Variants in CNTNAP2 observed in about 807,000 individuals in gnomAD.
CNTNAP2 encodes contactin associated protein 2, also known as contactin-associated protein-like 2.
CNTNAP2 carries 98 observed loss-of-function variants against 155.2 expected under a neutral mutation model. The ratio of observed to expected loss-of-function variants is 0.63; its 90% confidence interval spans 0.54 to 0.75. The LOEUF (loss-of-function observed/expected upper bound fraction) is 0.75, where lower values mean the gene tolerates loss of function less well. Among genes scored for constraint, CNTNAP2 ranks in the 30% least tolerant of loss-of-function variants. CNTNAP2 has a pLI of 0.00. For synonymous variants in CNTNAP2, 651 were observed against 631.2 expected (o/e 1.03, Z -0.47); for missense variants, 1,727 against 1,688.1 (o/e 1.02, Z -0.40).
chr7:148,185,462 A>G lies in CNTNAP2; in HGVS notation c.3010+12984A>G, dbSNP rs532925501. Reference sequence around the variant, plus strand: ...TCAAGAAATAAAAAGCAACTGCTACATTGTAGAAAGTACATCTAAAATTTT... The same window carrying G: ...TCAAGAAATAAAAAGCAACTGCTACGTTGTAGAAAGTACATCTAAAATTTT... On this transcript the variant is annotated intron_variant, in intron 18 of 23. Transcript: ENST00000361727. 6.3e-4 allele frequency among the ~76,000 whole-genome samples: 96 copies of G among 152,362 alleles called. 2 individuals are homozygous for G. The highest frequency in any genetic ancestry group is 5.1e-3 in the Admixed American group (78 of 15,306).
chr7:146,287,416 G>A (rs1055660871), intron 1 of CNTNAP2, among the ~76,000 whole-genome samples: 9 of 152,150 alleles, frequency 5.9e-5, no homozygotes, highest in Non-Finnish European at 8.8e-5. Context: ...CCTTCTGAAC[G>A]TAACAGGTTG....
intron 21 of CNTNAP2, among the ~76,000 whole-genome samples, chr7:148,366,969 A>T (rs1201552067): frequency 6.6e-6 from 1 of 152,242 alleles, no homozygotes; most frequent in Non-Finnish European, 1.5e-5. Flanking sequence ...GCGGTGGCTC[A>T]CGCCTGTAGT....
chr7:147,866,363 T>C (rs1421336663), intron 13 of CNTNAP2, among the ~76,000 whole-genome samples: 2 of 152,180 alleles, frequency 1.3e-5, no homozygotes, highest in East Asian at 1.9e-4. Flanking sequence ...TTAGAATAAG[T>C]GTGATGTGGT....
chr7:147,669,305 C>A (rs917662802), intron 13 of CNTNAP2, among the ~76,000 whole-genome samples: 3 of 152,140 alleles, frequency 2.0e-5, no homozygotes, highest in Non-Finnish European at 2.9e-5. Context: ...AATAAATACA[C>A]TTATGCCCCA....
intron 1 of CNTNAP2, among the ~76,000 whole-genome samples, chr7:146,652,590 A>G (rs1799935102): frequency 6.6e-6 from 1 of 152,130 alleles, no homozygotes; most frequent in Non-Finnish European, 1.5e-5. Flanking sequence ...TTGGGTTATT[A>G]TTAATGACTG....
At chr7:147,503,751 T>A (rs1047451837) in intron 11 of CNTNAP2, among the ~76,000 whole-genome samples, 1 of 152,190 alleles carries the variant, frequency 6.6e-6, no homozygotes, top group Admixed American at 6.5e-5. Flanking sequence ...ATACACTCAG[T>A]TAATTTTTTT....
chr7:146,450,123 T>C (rs920977181), intron 1 of CNTNAP2, among the ~76,000 whole-genome samples: 4 of 152,268 alleles, frequency 2.6e-5, no homozygotes, highest in African/African-American at 7.2e-5. Flanking sequence ...TCCAAGGAGA[T>C]AAAACAACAA....
At chr7:147,809,396 A>C (rs1798146043) in intron 13 of CNTNAP2, among the ~76,000 whole-genome samples, 1 of 152,194 alleles carries the variant, frequency 6.6e-6, no homozygotes, top group Admixed American at 6.5e-5. Context: ...TAATAGTGAA[A>C]GGTGCATTTT....
intron 9 of CNTNAP2, among the ~76,000 whole-genome samples, chr7:147,344,041 T>C (rs958792436): frequency 6.6e-6 from 1 of 152,178 alleles, no homozygotes; most frequent in Non-Finnish European, 1.5e-5. Context: ...ATTTTGTAGA[T>C]GATTTGCTGA....
Position 146,490,958 on chromosome 7 carries a change from G to T in CNTNAP2, c.98-283313G>T, listed in dbSNP as rs73741712. 7.2e-3 allele frequency among the ~76,000 whole-genome samples: 1,094 copies of T among 152,082 alleles called. 15 individuals carry two copies. Among genetic ancestry groups the T allele is most frequent in the African/African-American group, 0.025 (1,023 of 41,524 alleles). ...AGCCAATTATGTAATTATACCAATG[G>T]AAAAATATGCTATATGTATTTGTAG... On this transcript the variant is annotated intron_variant, in intron 1 of 23. Coordinates refer to ENST00000361727, the MANE Select transcript of CNTNAP2 (RefSeq NM_014141.6).
At chr7:148,146,198 T>A (rs1048602935) in intron 16 of CNTNAP2, among the ~76,000 whole-genome samples, 1 of 152,214 alleles carries the variant, frequency 6.6e-6, no homozygotes, top group African/African-American at 2.4e-5. Flanking sequence ...ATTAAACTGC[T>A]TAGAGATTAG....
chr7:146,440,598 AT>A (rs1158304926), intron 1 of CNTNAP2, among the ~76,000 whole-genome samples: 1 of 151,584 alleles, frequency 6.6e-6, no homozygotes, highest in Non-Finnish European at 1.5e-5. Flanking sequence ...TTTTAAAAAA[AT>A]CAGACTCTTG....
At chr7:148,185,746 AC>A (rs1795106197) in intron 18 of CNTNAP2, among the ~76,000 whole-genome samples, 1 of 152,238 alleles carries the variant, frequency 6.6e-6, no homozygotes, top group Non-Finnish European at 1.5e-5. Flanking sequence ...TAGCCTGTTG[AC>A]TTTTATATTT....
intron 8 of CNTNAP2, among the ~76,000 whole-genome samples, chr7:147,270,504 A>G (rs897828878): frequency 1.3e-5 from 2 of 152,130 alleles, no homozygotes; most frequent in Admixed American, 1.3e-4. Context: ...CATGTGGCTT[A>G]CCTCTGTGGC....
At chr7:147,488,328 C>G (rs772427158) in intron 11 of CNTNAP2, among the ~76,000 whole-genome samples, 4 of 152,158 alleles carry the variant, frequency 2.6e-5, no homozygotes, top group Non-Finnish European at 4.4e-5. Flanking sequence ...ACCATCAGGC[C>G]GTGTGCCTTT....
At position 148,172,546 on chromosome 7, in the gene CNTNAP2, A is replaced by AC. The variant is rs1195283228; in HGVS notation, c.3010+68_3010+69insC. The AC allele has an allele frequency of 9.8e-6, 13 of 1,323,232 alleles. No individual in the cohort carries two copies. In the African/African-American group the frequency reaches 1.4e-4, roughly 15 times the overall value. 82.0% of individuals were successfully genotyped at this position (1,323,232 alleles called of 1,614,324 possible). ...TTAAGCCCAAATCATCTATTTAATG[A>AC]TTTTTCATATGTAAACAAGTGTACC... On this transcript the variant is annotated intron_variant, in intron 18 of 23. Coordinates refer to ENST00000361727, the MANE Select transcript of CNTNAP2 (RefSeq NM_014141.6).
At chr7:146,328,238 A>C (rs1801127770) in intron 1 of CNTNAP2, among the ~76,000 whole-genome samples, 1 of 152,074 alleles carries the variant, frequency 6.6e-6, no homozygotes, top group South Asian at 2.1e-4. Flanking sequence ...TAACTAATTA[A>C]TGCCTGATGA....
intron 12 of CNTNAP2, among the ~76,000 whole-genome samples, chr7:147,566,584 G>A (rs1800175609): frequency 1.3e-5 from 2 of 152,110 alleles, no homozygotes; most frequent in South Asian, 4.1e-4. Context: ...TTCTTCACAA[G>A]GCGGCAGGAG....
intron 1 of CNTNAP2, among the ~76,000 whole-genome samples, chr7:146,446,480 G>A (rs1639462): frequency 0.036 from 5,413 of 152,118 alleles, 336 homozygotes; most frequent in African/African-American, 0.12. Context: ...TCAGAACACT[G>A]TGATGTCAGT....
Sources: allele counts gnomAD v4.1 joint callset (sites outside exome capture counted in the v4.1 genomes callset), GRCh38; gene constraint gnomAD v4.1.1; transcripts MANE v1.5; gene names NCBI Gene and HGNC (gene_info 2026-07-23, HGNC 2026-07-21).